The following SIRPA variants were observed in gnomAD, a reference collection of about 807,000 sequenced individuals.
SIRPA encodes tyrosine-protein phosphatase non-receptor type substrate 1.
SIRPA carries 9 observed loss-of-function variants against 50.3 expected under a neutral mutation model. That is an observed-to-expected ratio of 0.18 (90% CI 0.11 to 0.31). SIRPA has a LOEUF of 0.31. Among genes scored for constraint, SIRPA ranks in the 10% least tolerant of loss-of-function variants. SIRPA has a pLI of 1.00. For synonymous variants in SIRPA, 265 were observed against 284.1 expected (o/e 0.93, Z 0.68); for missense variants, 474 against 661.6 (o/e 0.72, Z 3.11).
intron 1 of SIRPA, among the ~76,000 whole-genome samples, chr20:1,914,044 T>TA (rs1985070306): frequency 2.6e-5 from 4 of 151,682 alleles, no homozygotes; most frequent in Non-Finnish European, 4.4e-5. Context: ...CCCATCACAG[T>TA]GAGGCCTGGA....
chr20:1,899,697 G>A (rs888160921), intron 1 of SIRPA, among the ~76,000 whole-genome samples: 1 of 152,084 alleles, frequency 6.6e-6, no homozygotes, highest in Non-Finnish European at 1.5e-5. Context: ...GCCTCTCCAC[G>A]CAGACACACA....
chr20:1,897,117 C>G (rs527418472), intron 1 of SIRPA, among the ~76,000 whole-genome samples: 1 of 152,258 alleles, frequency 6.6e-6, no homozygotes, highest in African/African-American at 2.4e-5. Flanking sequence ...GCAAGTGCTC[C>G]GATGGGCAGC....
intron 2 of SIRPA, among the ~76,000 whole-genome samples, chr20:1,919,338 T>C (rs1985504436): frequency 6.6e-6 from 1 of 152,250 alleles, no homozygotes; most frequent in Non-Finnish European, 1.5e-5. Flanking sequence ...TGAAAACCCC[T>C]GGGATAGACA....
Position 1,898,396 on chromosome 20 carries a change from G to T in SIRPA, c.79+2870G>T, listed in dbSNP as rs1169403425. ...ACGGTAATTCACGTCTGTACTTGCA[G>T]TCATGCAGCACCTATGCAGTGCTGG... On this transcript the variant is annotated intron_variant, in intron 1 of 7. Coordinates refer to ENST00000358771, the MANE Select transcript of SIRPA (RefSeq NM_001040023.2). This position sits in a 1 kb window ranked among gnomAD's most constrained non-coding sequence, Gnocchi z 4.3. Among the ~76,000 whole-genome samples the T allele has an allele frequency of 1.3e-5, 2 of 152,174 alleles. No homozygotes were observed. The highest frequency in any genetic ancestry group is 3.9e-4 in the East Asian group (2 of 5,174).
Position 1,901,773 on chromosome 20 carries a change from G to A in SIRPA, c.79+6247G>A, listed in dbSNP as rs775225348. Reference sequence around the variant, plus strand: ...GTAAGATTTCCTGGCACATTCGTTCGGGGGCGCAGGGTGTTAGATGGCTGC... The same window carrying A: ...GTAAGATTTCCTGGCACATTCGTTCAGGGGCGCAGGGTGTTAGATGGCTGC... On this transcript the variant is annotated intron_variant, in intron 1 of 7. Coordinates refer to ENST00000358771, the MANE Select transcript of SIRPA (RefSeq NM_001040023.2). 5.2e-4 allele frequency among the ~76,000 whole-genome samples: 79 copies of A among 152,084 alleles called. 1 individual carries two copies. Among genetic ancestry groups the A allele is most frequent in the Admixed American group, 7.9e-4 (12 of 15,272 alleles).
In SIRPA at chr20:1,934,502, T is replaced by TA. The variant is rs942365914; in HGVS notation, c.1227-206dup. ...AAAGATCCTTGCCAATAGAGTAGGT[T>TA]AAAAAAATGATAGTGCATTGCTTAG... On this transcript the variant is annotated intron_variant, in intron 6 of 7. Coordinates refer to ENST00000358771, the MANE Select transcript of SIRPA (RefSeq NM_001040023.2). The surrounding 1 kb of genome is among the most constrained non-coding windows in gnomAD (Gnocchi z 4.6). 6.6e-6 allele frequency among the ~76,000 whole-genome samples: 1 copy of TA among 152,162 alleles called. No homozygotes were observed. Among genetic ancestry groups the TA allele is most frequent in the African/African-American group, 2.4e-5 (1 of 41,422 alleles).
intron 1 of SIRPA, among the ~76,000 whole-genome samples, chr20:1,900,958 G>GC (rs958439685): frequency 2.0e-5 from 3 of 152,104 alleles, no homozygotes; most frequent in Admixed American, 6.5e-5. Context: ...GAAGCAGCTT[G>GC]CCCAAGGCCA....
rs1986801434 is a variant in SIRPA, at chr20:1,940,478, A to T, written c.*2910A>T. 6.6e-6 allele frequency: 1 copy of T among 152,210 alleles called. No homozygotes were observed. Among genetic ancestry groups the T allele is most frequent in the South Asian group, 2.1e-4 (1 of 4,832 alleles). The allele number at this position is 152,210 out of a possible 1,614,324, so 9.4% of individuals were successfully genotyped here. A position where few individuals can be genotyped will look rare whatever the true frequency, so the allele number is the denominator to read the frequency against. On this transcript the variant is annotated 3_prime_UTR_variant, in exon 8 of 8. Coordinates refer to ENST00000358771, the MANE Select transcript of SIRPA (RefSeq NM_001040023.2). ...TATCCTTGCCAGATGACTGATGTCA[A>T]GTGCTGGTTTATAGTGGGTGCTCAA...
rs768288574 is a variant in SIRPA, at chr20:1,934,754, G to C, written c.1266G>C (p.Gln422His). The part of the protein sequence containing the change: ...EPEKNAREIT[Q>H]DTNDITYADL... The stretch of plus-strand genomic sequence containing the variant: ...AGAAGAATGCCAGAGAAATAACACA[G>C]GTACAGTCCTTGGTGAGATGCCCTT... Residue 422 changes from glutamine to histidine, a missense_variant and splice_region_variant, in exon 7 of 8, where the codon CAG (glutamine) becomes CAC (histidine). By Grantham distance (24) the Gln-to-His change is conservative. Coordinates refer to ENST00000358771, the MANE Select transcript of SIRPA (RefSeq NM_001040023.2). This position sits in a 1 kb window ranked among gnomAD's most constrained non-coding sequence, Gnocchi z 4.6. The C allele has an allele frequency of 1.7e-5, 27 of 1,614,098 alleles. No homozygotes were observed. The highest frequency in any genetic ancestry group is 2.3e-5 in the Non-Finnish European group (27 of 1,180,000).
At chr20:1,922,711 TA>T in intron 4 of SIRPA, 66 bp downstream of exon 4, 1 of 1,480,996 alleles carries the variant, frequency 6.8e-7, no homozygotes, top group Non-Finnish European at 9.1e-7. Context: ...TTTTAAATGT[TA>T]AAAGTAGTAA....
At position 1,936,119 on chromosome 20, in the gene SIRPA, C is replaced by T. The variant is rs1404911033; in HGVS notation, c.1267-1201C>T. 1.3e-5 allele frequency among the ~76,000 whole-genome samples: 2 copies of T among 151,994 alleles called. No homozygotes were observed. The highest frequency in any genetic ancestry group is 2.4e-5 in the African/African-American group (1 of 41,360). On this transcript the variant is annotated intron_variant, in intron 7 of 7. Coordinates refer to ENST00000358771, the MANE Select transcript of SIRPA (RefSeq NM_001040023.2). This position sits in a 1 kb window ranked among gnomAD's most constrained non-coding sequence, Gnocchi z 4.2. ...GTGTGCTGCTTGTAAGCCCTGAGAA[C>T]TGAAATCAGCCATTACCGTGCACCA...
chr20:1,909,367 G>A (rs1362310821), intron 1 of SIRPA, among the ~76,000 whole-genome samples: 1 of 152,216 alleles, frequency 6.6e-6, no homozygotes, highest in African/African-American at 2.4e-5. Flanking sequence ...GTGCCTGTTG[G>A]CTTCCTTCTC....
rs375585229 is a variant in SIRPA at position 1,905,730 on chromosome 20, C to T, written c.80-9369C>T. ...GCTCTCTCAGCCTCTGCCGGTCCCC[C>T]GAAGCCTGTTAATTCTAAAGGATAT... is the stretch of plus-strand genomic sequence containing the variant. On this transcript the variant is annotated intron_variant, in intron 1 of 7. Transcript: ENST00000358771. Among the ~76,000 whole-genome samples, 4 of 152,236 alleles carry T rather than the reference C, an allele frequency of 2.6e-5. No homozygotes were observed. The East Asian group carries it at 5.8e-4, about 22-fold the overall frequency.
chr20:1,907,021 C>T (rs917596058), intron 1 of SIRPA, among the ~76,000 whole-genome samples: 3 of 152,158 alleles, frequency 2.0e-5, no homozygotes, highest in Admixed American at 1.3e-4. Flanking sequence ...TGCCAAGCAC[C>T]GTGCTACAGA....
chr20:1,903,011 C>CAAAAAAAA (rs58735842), intron 1 of SIRPA, among the ~76,000 whole-genome samples: 9 of 90,876 alleles, frequency 9.9e-5, no homozygotes, highest in African/African-American at 3.4e-4. Context: ...GACTCTGTCT[C>CAAAAAAAA]AAAAAAAAAA....
intron 5 of SIRPA, among the ~76,000 whole-genome samples, chr20:1,925,650 T>C (rs1478778103): frequency 6.6e-6 from 1 of 152,136 alleles, no homozygotes; most frequent in Non-Finnish European, 1.5e-5. Flanking sequence ...CAGACCCTGG[T>C]TATATACTGT....
chr20:1,895,193 C>G, upstream of SIRPA: 1 of 370,968 alleles, frequency 2.7e-6, no homozygotes, highest in Non-Finnish European at 4.8e-6. Flanking sequence ...TCTGGCCGCC[C>G]CTGGCTTTAT....
At chr20:1,910,178 C>T (rs906663252) in intron 1 of SIRPA, among the ~76,000 whole-genome samples, 3 of 152,136 alleles carry the variant, frequency 2.0e-5, no homozygotes, top group Admixed American at 2.0e-4. Flanking sequence ...GGGACACAGC[C>T]ATTTCACAGC....
intron 1 of SIRPA, among the ~76,000 whole-genome samples, chr20:1,901,371 A>C (rs1030721397): frequency 6.6e-6 from 1 of 151,418 alleles, no homozygotes; most frequent in Non-Finnish European, 1.5e-5. Context: ...GGGTTTCACC[A>C]TATTGATCAG....
Sources: allele counts gnomAD v4.1 joint callset (sites outside exome capture counted in the v4.1 genomes callset), GRCh38; gene constraint gnomAD v4.1.1; non-coding constraint Gnocchi (gnomAD v3.1); transcripts MANE v1.5; gene names NCBI Gene and HGNC (gene_info 2026-07-23, HGNC 2026-07-21).